TRPM3: variants seen among roughly 807,000 people sequenced by gnomAD.
The protein encoded by TRPM3 is long transient receptor potential channel 3.
TRPM3 carries 77 observed loss-of-function variants against 181.2 expected under a neutral mutation model. The observed-to-expected ratio is 0.42, with a 90% CI of 0.35 to 0.51. The LOEUF is 0.51. Among genes scored for constraint, TRPM3 ranks in the 20% least tolerant of loss-of-function variants. The pLI, the probability that TRPM3 is intolerant of heterozygous loss-of-function variation, is 0.01. For missense variants in TRPM3, 1,759 were observed against 2,196.7 expected (o/e 0.80, Z 3.98); for synonymous variants, 745 against 796.4 (o/e 0.94, Z 1.09).
intron 1 of TRPM3, among the ~76,000 whole-genome samples, chr9:71,165,441 T>C (rs994590608): frequency 6.6e-5 from 10 of 152,106 alleles, no homozygotes; most frequent in Non-Finnish European, 4.4e-5. Flanking sequence ...CCATAGAAGA[T>C]AGGACATTTC....
rs138882109 is a variant in TRPM3 at position 70,603,403 on chromosome 9, G to C, written c.2735C>G (p.Ser912Cys). Reference protein sequence around the residue: ...IVLVKMERWPSTQEWIVISYI... With the variant: ...IVLVKMERWPCTQEWIVISYI... ...GGAGATTACGATCCATTCCTGGGTG[G>C]ACGGCCAGCGTTCCATCTTCACTAA... Residue 912 changes from serine to cysteine, a missense_variant, in exon 20 of 26, where the codon TCC (serine) becomes TGC (cysteine). Physicochemically the swap from Ser to Cys is moderately radical, Grantham distance 112. This residue lies in a region of TRPM3 where 100 missense variants were observed against 123.0 expected (regional missense o/e 0.81). Transcript: ENST00000677713. 8 of 1,613,972 alleles carry C rather than the reference G, an allele frequency of 5.0e-6. No individual in the cohort carries two copies. Among genetic ancestry groups the C allele is most frequent in the Non-Finnish European group, 6.8e-6 (8 of 1,180,014 alleles).
chr9:70,957,547 A>AT (rs967920477), intron 1 of TRPM3, among the ~76,000 whole-genome samples: 7 of 151,206 alleles, frequency 4.6e-5, no homozygotes, highest in Non-Finnish European at 7.4e-5. Flanking sequence ...TATACCTCAT[A>AT]TTTTTTTTTG....
intron 1 of TRPM3, among the ~76,000 whole-genome samples, chr9:71,112,708 A>AT (rs1230819267): frequency 6.6e-6 from 1 of 152,216 alleles, no homozygotes; most frequent in African/African-American, 2.4e-5. Context: ...CTTCAAGAAG[A>AT]TTTTCAAAAT....
At chr9:70,583,382 T>C (rs80206507) in intron 22 of TRPM3, among the ~76,000 whole-genome samples, 214 of 152,342 alleles carry the variant, frequency 1.4e-3, no homozygotes, top group Middle Eastern at 6.8e-3. Context: ...AGGTTACCTA[T>C]GACTTATAGT....
At chr9:70,973,281 G>C (rs1436218300) in intron 1 of TRPM3, among the ~76,000 whole-genome samples, 1 of 152,102 alleles carries the variant, frequency 6.6e-6, no homozygotes, top group Non-Finnish European at 1.5e-5. Flanking sequence ...TGCTTATCCT[G>C]CTTCCTTTAG....
At chr9:70,977,830 T>C (rs1426788844) in intron 1 of TRPM3, among the ~76,000 whole-genome samples, 2 of 152,210 alleles carry the variant, frequency 1.3e-5, no homozygotes, top group Admixed American at 6.5e-5. Context: ...GCAAGGTACG[T>C]GGGAAGTGGC....
intron 1 of TRPM3, among the ~76,000 whole-genome samples, chr9:71,325,932 C>G (rs1475185288): frequency 6.6e-6 from 1 of 152,136 alleles, no homozygotes. Flanking sequence ...TTCTGGGAAG[C>G]TTGGGCAGAA....
At chr9:71,069,693 C>T (rs915948535) in intron 1 of TRPM3, among the ~76,000 whole-genome samples, 1 of 150,608 alleles carries the variant, frequency 6.6e-6, no homozygotes, top group East Asian at 2.0e-4. Context: ...ACCACAACCT[C>T]TGCCTCCCAG....
intron 1 of TRPM3, among the ~76,000 whole-genome samples, chr9:71,299,287 G>A (rs534691651): frequency 5.9e-5 from 9 of 152,254 alleles, no homozygotes; most frequent in African/African-American, 1.9e-4. Flanking sequence ...ACAAAATCAT[G>A]TATTTATTTT....
intron 25 of TRPM3, among the ~76,000 whole-genome samples, chr9:70,541,179 CA>C (rs1212976065): frequency 2.0e-5 from 3 of 152,054 alleles, no homozygotes; most frequent in Admixed American, 6.5e-5. Flanking sequence ...GTGAGAGCCC[CA>C]AGAGTGAAGA....
chr9:70,601,472 G>A (rs2059934664), intron 20 of TRPM3, among the ~76,000 whole-genome samples: 1 of 152,144 alleles, frequency 6.6e-6, no homozygotes, highest in South Asian at 2.1e-4. Flanking sequence ...CTGTGAAGAG[G>A]CAGGAAGGGC....
At chr9:71,391,146 A>G (rs2132948260) in intron 1 of TRPM3, among the ~76,000 whole-genome samples, 1 of 152,092 alleles carries the variant, frequency 6.6e-6, no homozygotes, top group Middle Eastern at 3.4e-3. Context: ...TGAACAAAAA[A>G]AGGAAAGGAA....
At chr9:71,147,424 G>GACACACACACACACACACACACAC (rs34795244) in intron 1 of TRPM3, among the ~76,000 whole-genome samples, 4 of 145,042 alleles carry the variant, frequency 2.8e-5, no homozygotes, top group South Asian at 2.3e-4. Context: ...GCAACACACA[G>GACACACACACACACACACACACAC]ACACACACAC....
At chr9:70,876,789 C>T (rs2095875489) in intron 1 of TRPM3, among the ~76,000 whole-genome samples, 4 of 151,890 alleles carry the variant, frequency 2.6e-5, no homozygotes, top group African/African-American at 9.7e-5. Context: ...CCCCACAACC[C>T]ATTCTTTACC....
intron 9 of TRPM3, among the ~76,000 whole-genome samples, chr9:70,655,322 A>G (rs1366385064): frequency 1.3e-5 from 2 of 150,630 alleles, no homozygotes; most frequent in African/African-American, 4.9e-5. Context: ...AAAAAAAAAA[A>G]AAAAAAAAGA....
Position 71,185,531 on chromosome 9 carries a change from C to G in TRPM3, c.183+261122G>C, listed in dbSNP as rs73647961. Among the ~76,000 whole-genome samples the G allele has an allele frequency of 9.0e-3, 1,371 of 152,186 alleles. 28 individuals carry two copies. The highest frequency in any genetic ancestry group is 0.032 in the African/African-American group (1,325 of 41,550). On this transcript the variant is annotated intron_variant, in intron 1 of 24. Coordinates refer to the TRPM3 transcript ENST00000357533. The stretch of plus-strand genomic sequence containing the variant: ...AGAACTATACTGTTACTGACGTAGA[C>G]CTGGCTTCTTTTACTCAAAGGCTAA...
chr9:71,008,307 G>A (rs766882854), intron 1 of TRPM3, among the ~76,000 whole-genome samples: 1 of 151,928 alleles, frequency 6.6e-6, no homozygotes, highest in Non-Finnish European at 1.5e-5. Flanking sequence ...AGAACCTGAT[G>A]GCTACACCAC....
At chr9:70,956,962 T>TTTC (rs1491258933) in intron 1 of TRPM3, among the ~76,000 whole-genome samples, 70 of 88,612 alleles carry the variant, frequency 7.9e-4, no homozygotes, top group Non-Finnish European at 1.4e-3. Flanking sequence ...TCTTTCTTTC[T>TTTC]TTTTTTTTTT....
At chr9:70,768,236 T>C (rs904554833) in intron 7 of TRPM3, among the ~76,000 whole-genome samples, 3 of 152,214 alleles carry the variant, frequency 2.0e-5, no homozygotes, top group African/African-American at 7.2e-5. Flanking sequence ...ATTTCTAAAA[T>C]ATTATTACTG....
Sources: allele counts gnomAD v4.1 joint callset (sites outside exome capture counted in the v4.1 genomes callset), GRCh38; gene constraint gnomAD v4.1.1; regional missense constraint gnomAD v4.1.1; transcripts MANE v1.5; gene names NCBI Gene and HGNC (gene_info 2026-07-23, HGNC 2026-07-21).